TMEM201: variants seen among roughly 807,000 people sequenced by gnomAD.
TMEM201 encodes transmembrane protein 201, also known as RP13-15M17.2.
Under a neutral mutation model 63.4 loss-of-function variants are expected in TMEM201, and 26 were observed. The ratio of observed to expected loss-of-function variants is 0.41; its 90% confidence interval spans 0.30 to 0.57. The LOEUF (loss-of-function observed/expected upper bound fraction) is 0.57. TMEM201 is among the 20% of genes least tolerant of loss of function. The pLI, the probability that TMEM201 is intolerant of heterozygous loss-of-function variation, is 0.29. For synonymous variants in TMEM201, 417 were observed against 421.6 expected (o/e 0.99, Z 0.14); for missense variants, 794 against 917.7 (o/e 0.87, Z 1.74).
At chr1:9,609,021 C>T (rs975695726) in intron 7 of TMEM201, among the ~76,000 whole-genome samples, 21 of 152,276 alleles carry the variant, frequency 1.4e-4, no homozygotes, top group Non-Finnish European at 2.5e-4. Flanking sequence ...GGTGCTGTGG[C>T]CAGAATCCAG....
chr1:9,602,899 G>A, intron 6 of TMEM201: 1 of 985,672 alleles, frequency 1.0e-6, no homozygotes, highest in South Asian at 4.7e-5. Context: ...TGCAGCTCTG[G>A]CTGCTGCTTG....
rs1557566342 is a variant in TMEM201, at chr1:9,614,397, T to A, written c.*1314T>A. On this transcript the variant is annotated 3_prime_UTR_variant, in exon 11 of 11. Coordinates refer to ENST00000340381, the MANE Select transcript of TMEM201 (RefSeq NM_001130924.3). ...TTTGGGTGCTTTTTTAATACTTTTT[T>A]TTTTAATGTGGGGAAGGAGCTTGCT... The A allele has an allele frequency of 6.6e-6, 1 of 152,098 alleles. No homozygotes were observed. Among genetic ancestry groups the A allele is most frequent in the Non-Finnish European group, 1.5e-5 (1 of 68,016 alleles). The allele number at this position is 152,098 out of a possible 1,614,324, so 9.4% of individuals were successfully genotyped here. A position where few individuals can be genotyped will look rare whatever the true frequency, so the allele number is the denominator to read the frequency against.
intron 1 of TMEM201, among the ~76,000 whole-genome samples, chr1:9,591,493 C>T (rs1643918286): frequency 6.6e-6 from 1 of 152,238 alleles, no homozygotes; most frequent in South Asian, 2.1e-4. Flanking sequence ...TCCAGGCCGT[C>T]GTGAAGTCTG....
At chr1:9,594,931 C>T (rs886532304) in intron 1 of TMEM201, among the ~76,000 whole-genome samples, 18 of 152,210 alleles carry the variant, frequency 1.2e-4, no homozygotes, top group African/African-American at 3.1e-4. Flanking sequence ...GTCCTGTGGA[C>T]GGGGGGCCGT....
At chr1:9,609,534 C>T (rs1285353821) in intron 7 of TMEM201, among the ~76,000 whole-genome samples, 1 of 152,184 alleles carries the variant, frequency 6.6e-6, no homozygotes, top group East Asian at 1.9e-4. Context: ...TTCTCACCAC[C>T]TGCTGTGAGC....
rs777509881 is a variant in TMEM201, at chr1:9,601,151, G to A, written c.653G>A (p.Arg218His). 13 of 1,607,042 alleles carry A rather than the reference G, an allele frequency of 8.1e-6. No individual in the cohort carries two copies. Among genetic ancestry groups the A allele is most frequent in the East Asian group, 2.2e-5 (1 of 44,680 alleles). Residue 218 changes from arginine (R) to histidine (H), a missense_variant, in exon 5 of 11, where the codon CGT (arginine) becomes CAT (histidine). Coordinates refer to ENST00000340381, the MANE Select transcript of TMEM201 (RefSeq NM_001130924.3). ...VKSPVQVILL[R>H]ALAFLACAFL... ...TCCCCGGTCCAGGTCATCCTGCTCC[G>A]TGCCCTCGCCTTCCTGGCCTGCGCC...
Position 9,588,924 on chromosome 1 carries a change from G to A in TMEM201, c.-7G>A. ...TGCCGGCCTGCCGTCCTTCCACGCG[G>A]AGAGCCATGGAGGGAGTGAGCGCGC... On this transcript the variant is annotated 5_prime_UTR_variant, in exon 1 of 11. Coordinates refer to ENST00000340381, the MANE Select transcript of TMEM201 (RefSeq NM_001130924.3). The A allele has an allele frequency of 1.6e-6, 2 of 1,266,608 alleles. No homozygotes were observed. The highest frequency in any genetic ancestry group is 3.1e-5 in the South Asian group (2 of 65,244). 78.5% of individuals were successfully genotyped at this position (1,266,608 alleles called of 1,614,324 possible).
Position 9,603,415 on chromosome 1 carries a change from T to G in TMEM201, c.1160+1143T>G, listed in dbSNP as rs1047274224. ...CAGAGGAAGTTCCCGGCCTGGGGGC[T>G]TTATCCAGGGGTCCCAGTCGAGAGT... On this transcript the variant is annotated intron_variant, in intron 6 of 10. Transcript: ENST00000340381. This position sits in a 1 kb window ranked among gnomAD's most constrained non-coding sequence, Gnocchi z 4.5. 11 of 985,320 alleles carry G rather than the reference T, an allele frequency of 1.1e-5. No individual in the cohort carries two copies. Among genetic ancestry groups the G allele is most frequent in the African/African-American group, 1.7e-5 (1 of 57,202 alleles). The allele number at this position is 985,320 out of a possible 1,614,324, so 61.0% of individuals were successfully genotyped here. A position where few individuals can be genotyped will look rare whatever the true frequency, so the allele number is the denominator to read the frequency against.
In TMEM201 at chr1:9,605,850, G is replaced by A. The variant is rs1035411188; in HGVS notation, c.1161-1707G>A. ...CCCACCCTTTGGGGCCAGGAGCTGC[G>A]TGGCCCAGCTGACCACCTCATACCC... On this transcript the variant is annotated intron_variant, in intron 6 of 10. Transcript: ENST00000340381. This position sits in a 1 kb window ranked among gnomAD's most constrained non-coding sequence, Gnocchi z 5.7. Among the ~76,000 whole-genome samples the A allele has an allele frequency of 1.3e-5, 2 of 152,170 alleles. No homozygotes were observed. The highest frequency in any genetic ancestry group is 2.4e-5 in the African/African-American group (1 of 41,452).
In TMEM201 at chr1:9,609,849, A is replaced by G. The variant is rs977988627; in HGVS notation, c.1403A>G (p.Tyr468Cys). The G allele has an allele frequency of 3.9e-6, 6 of 1,551,388 alleles. No homozygotes were observed. Among genetic ancestry groups the G allele is most frequent in the Admixed American group, 3.9e-5 (2 of 50,998 alleles). ...TTCTCTCTGTCTCCAGACTCCGGCT[A>G]TCTGTTCAGCGGTAGCCGCCCACCA... ...IPSLTRADSG[Y>C]LFSGSRPPSQ... Residue 468 changes from tyrosine (Y) to cysteine (C), a missense_variant, in exon 8 of 11, where the codon TAT becomes TGT. Physicochemically the swap from Tyr to Cys is radical, Grantham distance 194. Transcript: ENST00000340381.
intron 1 of TMEM201, 29 bp downstream of exon 1, chr1:9,589,072 C>T (rs1183573174): frequency 3.1e-6 from 3 of 971,352 alleles, no homozygotes; most frequent in Non-Finnish European, 3.7e-6. Context: ...CCCACGCGGC[C>T]CTCTGCGCCG....
chr1:9,603,496 G>A lies in TMEM201; in HGVS notation c.1160+1224G>A. 8 of 985,492 alleles carry A rather than the reference G, an allele frequency of 8.1e-6. No homozygotes were observed. The highest frequency in any genetic ancestry group is 9.6e-6 in the Non-Finnish European group (8 of 829,974). The allele number at this position is 985,492 out of a possible 1,614,324, so 61.0% of individuals were successfully genotyped here. On this transcript the variant is annotated intron_variant, in intron 6 of 10. Transcript: ENST00000340381. This position sits in a 1 kb window ranked among gnomAD's most constrained non-coding sequence, Gnocchi z 4.5. ...CCCTCTGGCTGCCCACTCCCTCAGG[G>A]CCCACATGTCCTGCCACTCGCCACT...
At chr1:9,594,973 G>A (rs531196935) in intron 1 of TMEM201, among the ~76,000 whole-genome samples, 2 of 152,374 alleles carry the variant, frequency 1.3e-5, no homozygotes, top group East Asian at 1.9e-4. Context: ...ACTCTGGCAG[G>A]GGCTCAAGCG....
rs748830364 is a variant in TMEM201 at position 9,601,300 on chromosome 1, G to A, written c.802G>A (p.Ala268Thr). The A allele has an allele frequency of 2.5e-6, 4 of 1,609,984 alleles. No individual in the cohort carries two copies. The Admixed American group carries it at 5.0e-5, about 20-fold the overall frequency. Residue 268 changes from alanine (A) to threonine (T), a missense_variant, in exon 5 of 11, where the codon GCC (alanine) becomes ACC (threonine). Physicochemically the swap from Ala to Thr is moderately conservative, Grantham distance 58 (BLOSUM62 0). Coordinates refer to ENST00000340381, the MANE Select transcript of TMEM201 (RefSeq NM_001130924.3). ...ATPDNGTTPGAEGWRQLLGLL... is the reference protein window; with the variant it reads ...ATPDNGTTPGTEGWRQLLGLL... The stretch of plus-strand genomic sequence containing the variant: ...ACCTGACAATGGCACCACCCCTGGG[G>A]CCGAGGGCTGGCGGCAGTTGCTGGG...
chr1:9,603,625 G>T lies in TMEM201; in HGVS notation c.1160+1353G>T. The T allele has an allele frequency of 2.0e-6, 2 of 985,488 alleles. No homozygotes were observed. Among genetic ancestry groups the T allele is most frequent in the Non-Finnish European group, 2.4e-6 (2 of 829,984 alleles). 61.0% of individuals were successfully genotyped at this position (985,488 alleles called of 1,614,324 possible). On this transcript the variant is annotated intron_variant, in intron 6 of 10. Transcript: ENST00000340381. The surrounding 1 kb of genome is among the most constrained non-coding windows in gnomAD (Gnocchi z 4.5). Reference sequence around the variant, plus strand: ...CAAGAGCAGATCACAGGTGCATGAGGGTTACACCCGTCACCTGGGTCTGCC... The same window carrying T: ...CAAGAGCAGATCACAGGTGCATGAGTGTTACACCCGTCACCTGGGTCTGCC...
chr1:9,603,985 C>T lies in TMEM201; in HGVS notation c.1160+1713C>T, dbSNP rs540381464. ...AGGAGTTGGGGCGGGTGAGCCAAAGCGGCCCCCCATGGTGTCTACCTGAGG... is the reference window on the plus strand; with the variant it reads ...AGGAGTTGGGGCGGGTGAGCCAAAGTGGCCCCCCATGGTGTCTACCTGAGG... On this transcript the variant is annotated intron_variant, in intron 6 of 10. Coordinates refer to ENST00000340381, the MANE Select transcript of TMEM201 (RefSeq NM_001130924.3). The surrounding 1 kb of genome is among the most constrained non-coding windows in gnomAD (Gnocchi z 4.5). The T allele has an allele frequency of 6.7e-5, 66 of 985,434 alleles. No homozygotes were observed. The East Asian group carries it at 2.7e-3, about 41-fold the overall frequency. 61.0% of individuals were successfully genotyped at this position (985,434 alleles called of 1,614,324 possible). A position where few individuals can be genotyped will look rare whatever the true frequency, so the allele number is the denominator to read the frequency against.
Position 9,596,832 on chromosome 1 carries a change from GCCTCGAGTCCCA to G in TMEM201, c.235-22_235-11del. On this transcript the variant is annotated splice_polypyrimidine_tract_variant and intron_variant, in intron 2 of 10. Coordinates refer to ENST00000340381, the MANE Select transcript of TMEM201 (RefSeq NM_001130924.3). ...CTGAGCCAGCTGGGAGGGCCTGCCT[GCCTCGAGTCCCA>G]CCTCTCTCCCGCAGAACGGCGACTA... is the stretch of plus-strand genomic sequence containing the variant. 1.3e-6 allele frequency: 2 copies of G among 1,558,620 alleles called. No homozygotes were observed. The highest frequency in any genetic ancestry group is 1.7e-6 in the Non-Finnish European group (2 of 1,143,616).
Position 9,607,634 on chromosome 1 carries a change from C to T in TMEM201, c.1238C>T (p.Ser413Phe). The T allele has an allele frequency of 6.4e-7, 1 of 1,551,824 alleles. No homozygotes were observed. The highest frequency in any genetic ancestry group is 8.7e-7 in the Non-Finnish European group (1 of 1,147,058). Residue 413 changes from serine to phenylalanine, a missense_variant, in exon 7 of 11, where the codon TCT becomes TTT. Coordinates refer to ENST00000340381, the MANE Select transcript of TMEM201 (RefSeq NM_001130924.3). This position sits in a 1 kb window ranked among gnomAD's most constrained non-coding sequence, Gnocchi z 5.4. The stretch of plus-strand genomic sequence containing the variant: ...ATCCCTCACCCGAGTGTCGGAGGCT[C>T]TCCAGCGTCTCTGTTCATCCCCAGC... ...LAIPHPSVGG[S>F]PASLFIPSPP...
In TMEM201 at chr1:9,610,442, T is replaced by C. The variant is rs1416384000; in HGVS notation, c.1466-64T>C. The C allele has an allele frequency of 3.6e-6, 5 of 1,379,738 alleles. No homozygotes were observed. The African/African-American group carries it at 4.4e-5, about 12-fold the overall frequency. 85.5% of individuals were successfully genotyped at this position (1,379,738 alleles called of 1,614,324 possible). Reference sequence around the variant, plus strand: ...TAGAAGAATGCCCCCAGAAATGAAATAGCGCATTGTAGCGTTGCAGTGACA... The same window carrying C: ...TAGAAGAATGCCCCCAGAAATGAAACAGCGCATTGTAGCGTTGCAGTGACA... On this transcript the variant is annotated intron_variant, in intron 8 of 10. Transcript: ENST00000340381. The surrounding 1 kb of genome is among the most constrained non-coding windows in gnomAD (Gnocchi z 4.9).
Sources: gnomAD v4.1 joint callset for allele counts (sites outside exome capture counted in the v4.1 genomes callset) on GRCh38, gnomAD v4.1.1 for gene constraint, Gnocchi (gnomAD v3.1) non-coding constraint, MANE v1.5 for transcripts, NCBI Gene and HGNC (gene_info 2026-07-23, HGNC 2026-07-21) for gene names.